EXOC6B: variants seen among roughly 807,000 people sequenced by gnomAD.
EXOC6B encodes exocyst complex component 6B, also known as SEC15 homolog B.
In EXOC6B, 54 loss-of-function variants were observed where a neutral mutation model predicts 113.5. The ratio of observed to expected loss-of-function variants is 0.48; its 90% confidence interval spans 0.38 to 0.60. The LOEUF (loss-of-function observed/expected upper bound fraction) is 0.60, where lower values mean the gene tolerates loss of function less well. Ranked by LOEUF, EXOC6B falls within the 20% of genes least tolerant of loss-of-function variation. The pLI is 0.00. For missense variants in EXOC6B, 797 were observed against 977.5 expected (o/e 0.82, Z 2.46); for synonymous variants, 357 against 339.0 (o/e 1.05, Z -0.58).
At chr2:72,495,786 A>G (rs993000985) in intron 14 of EXOC6B, among the ~76,000 whole-genome samples, 2 of 152,220 alleles carry the variant, frequency 1.3e-5, no homozygotes, top group Admixed American at 6.5e-5. Flanking sequence ...ACTCAGCAAT[A>G]AAAATGAATG....
chr2:72,184,734 T>C (rs913491293), intron 20 of EXOC6B, among the ~76,000 whole-genome samples: 4 of 152,176 alleles, frequency 2.6e-5, no homozygotes, highest in Non-Finnish European at 5.9e-5. Flanking sequence ...CATGCCTATA[T>C]ACAAATAGGA....
intron 20 of EXOC6B, among the ~76,000 whole-genome samples, chr2:72,191,140 T>C (rs1339492043): frequency 6.6e-6 from 1 of 152,166 alleles, no homozygotes; most frequent in Non-Finnish European, 1.5e-5. Flanking sequence ...TACAAAAATG[T>C]GTGTAAGTGG....
chr2:72,756,675 T>G (rs1682430662), intron 1 of EXOC6B, among the ~76,000 whole-genome samples: 1 of 152,206 alleles, frequency 6.6e-6, no homozygotes, highest in African/African-American at 2.4e-5. Flanking sequence ...ACTAACTCAC[T>G]TATTCCCCAA....
At chr2:72,422,836 G>A (rs1436096619) in intron 18 of EXOC6B, among the ~76,000 whole-genome samples, 1 of 152,132 alleles carries the variant, frequency 6.6e-6, no homozygotes, top group East Asian at 1.9e-4. Context: ...ATGAGGACAT[G>A]GAGAACCTTT....
chr2:72,742,245 A>G (rs1241976786), intron 1 of EXOC6B, among the ~76,000 whole-genome samples: 1 of 152,168 alleles, frequency 6.6e-6, no homozygotes, highest in East Asian at 1.9e-4. Flanking sequence ...TTTCCCATTT[A>G]TCCCTCCTTG....
chr2:72,398,183 C>G (rs1054365887), intron 18 of EXOC6B, among the ~76,000 whole-genome samples: 1 of 152,130 alleles, frequency 6.6e-6, no homozygotes, highest in African/African-American at 2.4e-5. Context: ...AAAGCCAGAC[C>G]ATCTTGCAGT....
intron 1 of EXOC6B, among the ~76,000 whole-genome samples, chr2:72,791,247 T>C (rs1473209664): frequency 2.6e-5 from 4 of 152,182 alleles, no homozygotes; most frequent in African/African-American, 7.2e-5. Flanking sequence ...CCTACAAATA[T>C]GTACACTTTG....
intron 6 of EXOC6B, among the ~76,000 whole-genome samples, chr2:72,688,352 T>A (rs1677236217): frequency 6.6e-6 from 1 of 152,012 alleles, no homozygotes; most frequent in Admixed American, 6.5e-5. Context: ...GGAAAAGAAG[T>A]CAATAAAGGA....
chr2:72,604,689 A>G (rs1670639503), intron 6 of EXOC6B, among the ~76,000 whole-genome samples: 1 of 152,208 alleles, frequency 6.6e-6, no homozygotes, highest in Non-Finnish European at 1.5e-5. Context: ...TACTGATCAC[A>G]TCCAAACCAG....
intron 20 of EXOC6B, among the ~76,000 whole-genome samples, chr2:72,252,624 T>C (rs1336867924): frequency 2.6e-5 from 4 of 152,342 alleles, no homozygotes; most frequent in Admixed American, 6.5e-5. Flanking sequence ...TTCTCAACTA[T>C]ACAATGGTAA....
At chr2:72,662,579 T>C (rs1423164868) in intron 6 of EXOC6B, among the ~76,000 whole-genome samples, 1 of 152,098 alleles carries the variant, frequency 6.6e-6, no homozygotes, top group African/African-American at 2.4e-5. Flanking sequence ...TCCTTAGCCA[T>C]TAAAGAAATG....
intron 20 of EXOC6B, among the ~76,000 whole-genome samples, chr2:72,273,517 G>A (rs1433677734): frequency 6.6e-6 from 1 of 152,090 alleles, no homozygotes; most frequent in Non-Finnish European, 1.5e-5. Flanking sequence ...ATAGAGGGTG[G>A]GCCAGTCCCT....
intron 8 of EXOC6B, among the ~76,000 whole-genome samples, chr2:72,527,395 G>T (rs1368229819): frequency 6.6e-6 from 1 of 151,682 alleles, no homozygotes; most frequent in Admixed American, 6.6e-5. Flanking sequence ...CCTTTATATT[G>T]CTGTGTAGTA....
chr2:72,726,325 C>T (rs1417079500), intron 5 of EXOC6B, among the ~76,000 whole-genome samples: 1 of 152,118 alleles, frequency 6.6e-6, no homozygotes, highest in Non-Finnish European at 1.5e-5. Flanking sequence ...AAAATCTATT[C>T]AACTGTACAC....
intron 20 of EXOC6B, among the ~76,000 whole-genome samples, chr2:72,330,842 C>T (rs1271263341): frequency 1.3e-5 from 2 of 151,986 alleles, no homozygotes; most frequent in African/African-American, 4.8e-5. Context: ...TGCGCATTTC[C>T]TATTGCTTTC....
chr2:72,633,040 C>T (rs1672579213), intron 6 of EXOC6B, among the ~76,000 whole-genome samples: 1 of 152,186 alleles, frequency 6.6e-6, no homozygotes, highest in Admixed American at 6.5e-5. Context: ...AACTTGTACA[C>T]TTTCTGGTAT....
rs1558985821 is a variant in EXOC6B, at chr2:72,178,284, C to A, written c.*1051G>T. ...GCATGGCTGCCCCCACAGTGCAGAG[C>A]TGGTGACATTTCCTTAAAGATGATA... On this transcript the variant is annotated 3_prime_UTR_variant, in exon 22 of 22. Transcript: ENST00000272427. 6.6e-6 allele frequency: 1 copy of A among 152,230 alleles called. No individual in the cohort carries two copies. The highest frequency in any genetic ancestry group is 1.5e-5 in the Non-Finnish European group (1 of 68,056). 9.4% of individuals were successfully genotyped at this position (152,230 alleles called of 1,614,324 possible).
At chr2:72,707,430 T>C (rs1055021516) in intron 6 of EXOC6B, among the ~76,000 whole-genome samples, 2 of 151,806 alleles carry the variant, frequency 1.3e-5, no homozygotes, top group Non-Finnish European at 2.9e-5. Flanking sequence ...TTTTTTTTTT[T>C]TGAGACAGAG....
chr2:72,716,357 A>T (rs1264248607), intron 6 of EXOC6B, among the ~76,000 whole-genome samples: 1 of 152,316 alleles, frequency 6.6e-6, no homozygotes, highest in East Asian at 1.9e-4. Flanking sequence ...CTTATCTGGG[A>T]ATTCAAACAT....
Sources: allele counts gnomAD v4.1 joint callset (sites outside exome capture counted in the v4.1 genomes callset), GRCh38; gene constraint gnomAD v4.1.1; transcripts MANE v1.5; gene names NCBI Gene and HGNC (gene_info 2026-07-23, HGNC 2026-07-21).